The following ENOX1 variants were observed in gnomAD, a reference collection of about 807,000 sequenced individuals.
The protein encoded by ENOX1 is candidate growth-related and time keeping constitutive hydroquinone (NADH) oxidase.
In ENOX1, 42 loss-of-function variants were observed where a neutral mutation model predicts 82.5. The ratio of observed to expected loss-of-function variants is 0.51; its 90% CI spans 0.40 to 0.66. The LOEUF is 0.66. ENOX1 is among the 30% of genes least tolerant of loss of function. The pLI, the probability that ENOX1 is intolerant of heterozygous loss-of-function variation, is 0.00. For synonymous variants in ENOX1, 271 were observed against 282.2 expected (o/e 0.96, Z 0.40); for missense variants, 608 against 811.6 (o/e 0.75, Z 3.05).
At chr13:43,554,399 T>C (rs145909091) in intron 2 of ENOX1, among the ~76,000 whole-genome samples, 31 of 152,322 alleles carry the variant, frequency 2.0e-4, no homozygotes, top group African/African-American at 7.2e-4. Context: ...TTTAAAAACA[T>C]AGTTAGATCT....
intron 2 of ENOX1, among the ~76,000 whole-genome samples, chr13:43,565,357 C>T (rs9533529): frequency 0.38 from 57,693 of 151,956 alleles, 11,858 homozygotes; most frequent in East Asian, 0.77. Flanking sequence ...CAACTTTGAA[C>T]GTCAAGCACA....
At chr13:43,558,702 G>A (rs575337170) in intron 2 of ENOX1, among the ~76,000 whole-genome samples, 2 of 152,216 alleles carry the variant, frequency 1.3e-5, no homozygotes, top group South Asian at 2.1e-4. Flanking sequence ...CCAGGTAAAG[G>A]GAAAATGGAT....
chr13:43,431,952 A>AC (rs1284668873), intron 3 of ENOX1, among the ~76,000 whole-genome samples: 4 of 151,956 alleles, frequency 2.6e-5, no homozygotes, highest in Non-Finnish European at 5.9e-5. Context: ...TGGCCTAATC[A>AC]CCCCGGAGCC....
At chr13:43,612,317 A>C (rs750124502) in intron 2 of ENOX1, among the ~76,000 whole-genome samples, 1 of 152,204 alleles carries the variant, frequency 6.6e-6, no homozygotes, top group African/African-American at 2.4e-5. Flanking sequence ...TCATGAAAAT[A>C]CAGATGCCCC....
intron 8 of ENOX1, among the ~76,000 whole-genome samples, chr13:43,354,585 G>A (rs1225158305): frequency 3.3e-5 from 5 of 151,234 alleles, no homozygotes; most frequent in African/African-American, 9.8e-5. Flanking sequence ...TTTATACACT[G>A]CCAGCAATAC....
intron 3 of ENOX1, among the ~76,000 whole-genome samples, chr13:43,479,712 C>T (rs911265775): frequency 7.2e-5 from 11 of 152,184 alleles, no homozygotes; most frequent in African/African-American, 2.2e-4. Context: ...GAATGGTACC[C>T]GGAGTTAGAA....
At chr13:43,360,422 T>C (rs1459746372) in intron 6 of ENOX1, among the ~76,000 whole-genome samples, 4 of 152,140 alleles carry the variant, frequency 2.6e-5, no homozygotes, top group Non-Finnish European at 4.4e-5. Flanking sequence ...AACCTCAGCG[T>C]GTTATCTGCT....
Position 43,229,288 on chromosome 13 carries a change from G to T in ENOX1, c.1715-5150C>A, listed in dbSNP as rs145704490. ...TGGATATGTCTTTATCAGCAGCATG[G>T]GAATGGACTAATACAGCGATTACGT... On this transcript the variant is annotated intron_variant, in intron 15 of 16. Coordinates refer to ENST00000690772, the MANE Select transcript of ENOX1 (RefSeq NM_001347969.2). 6.4e-3 allele frequency among the ~76,000 whole-genome samples: 977 copies of T among 152,286 alleles called. 7 individuals are homozygous for T. Among genetic ancestry groups the T allele is most frequent in the South Asian group, 0.032 (155 of 4,824 alleles).
chr13:43,713,410 A>G (rs527382689), intron 1 of ENOX1, among the ~76,000 whole-genome samples: 66 of 151,994 alleles, frequency 4.3e-4, no homozygotes, highest in Middle Eastern at 3.4e-3. Context: ...TTTGGTACCA[A>G]GATGATGCTG....
intron 1 of ENOX1, among the ~76,000 whole-genome samples, chr13:43,747,076 C>T (rs1238269572): frequency 6.6e-6 from 1 of 152,108 alleles, no homozygotes; most frequent in Admixed American, 6.6e-5. Flanking sequence ...GTATAAGTGG[C>T]ATGCCTCAGT....
intron 2 of ENOX1, among the ~76,000 whole-genome samples, chr13:43,659,050 G>A (rs7326281): frequency 0.3 from 45,063 of 151,786 alleles, 7,523 homozygotes; most frequent in Non-Finnish European, 0.39. Flanking sequence ...TTTTTTCTAC[G>A]TTATTTTCTA....
intron 2 of ENOX1, among the ~76,000 whole-genome samples, chr13:43,593,777 G>C (rs2081349312): frequency 6.6e-6 from 1 of 150,770 alleles, no homozygotes; most frequent in Non-Finnish European, 1.5e-5. Context: ...AAGTCTTGGA[G>C]TAAATATTAG....
chr13:43,372,764 G>A (rs1439580479), intron 5 of ENOX1, among the ~76,000 whole-genome samples: 1 of 152,056 alleles, frequency 6.6e-6, no homozygotes, highest in Non-Finnish European at 1.5e-5. Context: ...AAGGGAAAAA[G>A]GAAATACAGG....
chr13:43,572,432 G>A (rs573830745), intron 2 of ENOX1, among the ~76,000 whole-genome samples: 1 of 152,298 alleles, frequency 6.6e-6, no homozygotes, highest in South Asian at 2.1e-4. Context: ...ACGTTCCATA[G>A]ACCAAAAGGC....
chr13:43,743,060 CT>C (rs1949833296), intron 1 of ENOX1, among the ~76,000 whole-genome samples: 2 of 152,088 alleles, frequency 1.3e-5, no homozygotes, highest in Non-Finnish European at 2.9e-5. Flanking sequence ...TGTTTATTCA[CT>C]GAAAAGAGAA....
At chr13:43,229,218 C>G (rs902383868) in intron 15 of ENOX1, among the ~76,000 whole-genome samples, 1 of 152,214 alleles carries the variant, frequency 6.6e-6, no homozygotes, top group African/African-American at 2.4e-5. Flanking sequence ...CCCTGTGGAA[C>G]TGTAAGTCCA....
chr13:43,594,026 A>G (rs1191267286), intron 2 of ENOX1, among the ~76,000 whole-genome samples: 1 of 152,022 alleles, frequency 6.6e-6, no homozygotes, highest in Non-Finnish European at 1.5e-5. Context: ...GCCAGGCCCC[A>G]TTGTGCTCGG....
intron 2 of ENOX1, among the ~76,000 whole-genome samples, chr13:43,550,232 G>A (rs1464009817): frequency 1.3e-5 from 2 of 152,182 alleles, no homozygotes; most frequent in African/African-American, 2.4e-5. Flanking sequence ...TGACCTGGGT[G>A]TTGGGGACCC....
chr13:43,761,061 G>A (rs957639603), intron 1 of ENOX1, among the ~76,000 whole-genome samples: 9 of 151,984 alleles, frequency 5.9e-5, no homozygotes. Flanking sequence ...GAGGGAAGCT[G>A]AGACCACCAA....
Sources: gnomAD v4.1 joint callset for allele counts (sites outside exome capture counted in the v4.1 genomes callset) on GRCh38, gnomAD v4.1.1 for gene constraint, MANE v1.5 for transcripts, NCBI Gene and HGNC (gene_info 2026-07-23, HGNC 2026-07-21) for gene names.